Variants in PARD3 observed in about 807,000 individuals in gnomAD.
PARD3 encodes the protein partitioning defective 3 homolog.
PARD3 carries 75 observed loss-of-function variants against 155.4 expected under a neutral mutation model. The observed-to-expected ratio is 0.48, with a 90% confidence interval of 0.40 to 0.58. The LOEUF is 0.58. PARD3 is among the 20% of genes least tolerant of loss of function. The pLI is 0.00. For missense variants in PARD3, 1,642 were observed against 1,721.7 expected, an observed-to-expected ratio of 0.95 and a Z score of 0.82; for synonymous variants, 576 against 610.5, an observed-to-expected ratio of 0.94 and a Z score of 0.83.
rs534169519 is a variant in PARD3, at chr10:34,241,945, G to T, written c.3419+27712C>A. 3.3e-5 allele frequency among the ~76,000 whole-genome samples: 5 copies of T among 151,254 alleles called. No individual in the cohort carries two copies. In the South Asian group the frequency reaches 1.0e-3, roughly 32 times the overall value. Reference sequence around the variant, plus strand: ...TATAACTATCTGTATTGTGCATATTGAGTCTCTTTTAAAAAAAAAATCTCT... The same window carrying T: ...TATAACTATCTGTATTGTGCATATTTAGTCTCTTTTAAAAAAAAAATCTCT... On this transcript the variant is annotated intron_variant, in intron 22 of 24. Transcript: ENST00000374788.
intron 2 of PARD3, among the ~76,000 whole-genome samples, chr10:34,618,327 T>A (rs2091403330): frequency 6.6e-6 from 1 of 152,190 alleles, no homozygotes; most frequent in Non-Finnish European, 1.5e-5. Context: ...AAATTCTTAG[T>A]TTGCTTCAAA....
intron 24 of PARD3, among the ~76,000 whole-genome samples, chr10:34,117,646 T>C (rs1356163512): frequency 6.6e-6 from 1 of 152,170 alleles, no homozygotes; most frequent in Non-Finnish European, 1.5e-5. Context: ...GTGTGGTGGC[T>C]CACACCTGTA....
At chr10:34,678,802 C>T (rs188044122) in intron 2 of PARD3, among the ~76,000 whole-genome samples, 49 of 151,526 alleles carry the variant, frequency 3.2e-4, no homozygotes, top group South Asian at 1.9e-3. Context: ...TTTCAATTCC[C>T]CCCGCCCACC....
intron 2 of PARD3, among the ~76,000 whole-genome samples, chr10:34,533,061 A>G (rs1255191240): frequency 1.3e-5 from 2 of 152,258 alleles, no homozygotes; most frequent in Non-Finnish European, 2.9e-5. Context: ...AAGTATTTGT[A>G]TATCTAAACG....
intron 2 of PARD3, among the ~76,000 whole-genome samples, chr10:34,558,333 A>AT (rs2085180842): frequency 1.3e-5 from 2 of 152,216 alleles, no homozygotes; most frequent in Non-Finnish European, 2.9e-5. Context: ...CTTCTGCTTC[A>AT]CTGTATTAGT....
Position 34,444,346 on chromosome 10 carries a change from A to G in PARD3, c.714+5971T>C, listed in dbSNP as rs1009322625. 2.0e-5 allele frequency among the ~76,000 whole-genome samples: 3 copies of G among 152,370 alleles called. No homozygotes were observed. The East Asian group carries it at 5.8e-4, about 29-fold the overall frequency. On this transcript the variant is annotated intron_variant, in intron 5 of 24. Transcript: ENST00000374788. ...TTCTGTGGAATTTATTAGTTGCAATAAAGTGTGGGAATATAAGAACAAAGT... is the reference window on the plus strand; with the variant it reads ...TTCTGTGGAATTTATTAGTTGCAATGAAGTGTGGGAATATAAGAACAAAGT...
chr10:34,532,509 T>C (rs1468746999), intron 2 of PARD3, among the ~76,000 whole-genome samples: 2 of 152,100 alleles, frequency 1.3e-5, no homozygotes, highest in African/African-American at 4.8e-5. Context: ...ATGTGCCACA[T>C]GGTGTGAACT....
intron 20 of PARD3, among the ~76,000 whole-genome samples, chr10:34,300,351 A>C (rs1008838046): frequency 6.6e-6 from 1 of 152,170 alleles, no homozygotes; most frequent in East Asian, 1.9e-4. Flanking sequence ...GGAAAAGAAA[A>C]GCTTCCTAAA....
intron 2 of PARD3, among the ~76,000 whole-genome samples, chr10:34,521,333 C>A: frequency 7.5e-6 from 1 of 132,502 alleles, no homozygotes; most frequent in South Asian, 2.5e-4. Flanking sequence ...TTTAGAAAAT[C>A]TACTCTATAA....
intron 20 of PARD3, among the ~76,000 whole-genome samples, chr10:34,305,501 A>G (rs1326640274): frequency 6.6e-6 from 1 of 152,100 alleles, no homozygotes; most frequent in African/African-American, 2.4e-5. Flanking sequence ...ATCTTACACA[A>G]CTCCTAGACT....
intron 3 of PARD3, among the ~76,000 whole-genome samples, chr10:34,492,069 AAG>A (rs1158810598): frequency 6.6e-6 from 1 of 152,218 alleles, no homozygotes; most frequent in Admixed American, 6.5e-5. Flanking sequence ...GGTGTGGAAA[AAG>A]AGAAAAATTA....
At chr10:34,407,575 GTGGT>G (rs1286194982) in intron 5 of PARD3, among the ~76,000 whole-genome samples, 1 of 152,224 alleles carries the variant, frequency 6.6e-6, no homozygotes, top group African/African-American at 2.4e-5. Context: ...TTACCAATCA[GTGGT>G]TACTTTTGCC....
intron 1 of PARD3, among the ~76,000 whole-genome samples, chr10:34,791,534 G>A (rs189281018): frequency 6.6e-6 from 1 of 152,228 alleles, no homozygotes; most frequent in East Asian, 1.9e-4. Context: ...ACAAGACGCG[G>A]GGACATGTGG....
chr10:34,787,387 T>C (rs1291733139), intron 1 of PARD3, among the ~76,000 whole-genome samples: 1 of 151,884 alleles, frequency 6.6e-6, no homozygotes, highest in Non-Finnish European at 1.5e-5. Flanking sequence ...TCAAAAACAA[T>C]AATAATAATT....
At chr10:34,565,260 C>CTTTTTTTTTTTTT (rs59606413) in intron 2 of PARD3, among the ~76,000 whole-genome samples, 2 of 39,670 alleles carry the variant, frequency 5.0e-5, no homozygotes, top group African/African-American at 2.2e-4. Context: ...AGGAGCAAGG[C>CTTTTTTTTTTTTT]TTTTTTTTTT....
chr10:34,242,456 C>T (rs556742972), intron 22 of PARD3, among the ~76,000 whole-genome samples: 44 of 152,126 alleles, frequency 2.9e-4, no homozygotes, highest in Non-Finnish European at 5.4e-4. Flanking sequence ...CACCCCTCAT[C>T]CCCAGCACCA....
At chr10:34,730,462 A>T (rs181465130) in intron 1 of PARD3, among the ~76,000 whole-genome samples, 163 of 152,298 alleles carry the variant, frequency 1.1e-3, no homozygotes, top group Middle Eastern at 6.8e-3. Flanking sequence ...ATCAATTTTT[A>T]AAAAAACAAG....
chr10:34,139,122 A>C (rs945446052), intron 22 of PARD3, among the ~76,000 whole-genome samples: 1 of 152,208 alleles, frequency 6.6e-6, no homozygotes, highest in Non-Finnish European at 1.5e-5. Flanking sequence ...GCCAGCATTC[A>C]AAGTCCTACA....
intron 1 of PARD3, among the ~76,000 whole-genome samples, chr10:34,756,255 G>A (rs970406089): frequency 9.4e-5 from 13 of 138,946 alleles, no homozygotes; most frequent in Non-Finnish European, 1.8e-4. Flanking sequence ...CTGGGTTCAC[G>A]CCATTCTCCT....
Sources: allele counts gnomAD v4.1 joint callset (sites outside exome capture counted in the v4.1 genomes callset), GRCh38; gene constraint gnomAD v4.1.1; transcripts MANE v1.5; gene names NCBI Gene and HGNC (gene_info 2026-07-23, HGNC 2026-07-21).